The following FAM178B variants were observed in gnomAD, a reference collection of about 807,000 sequenced individuals.
FAM178B encodes the protein family with sequence similarity 178 member B.
Under a neutral mutation model 91.7 loss-of-function variants are expected in FAM178B, and 82 were observed. That is an observed-to-expected ratio of 0.89 (90% CI 0.75 to 1.07). The LOEUF is 1.07. Among genes scored for constraint, FAM178B ranks in the 50% least tolerant of loss-of-function variants. FAM178B has a pLI of 0.00. For missense variants in FAM178B, 769 were observed against 846.7 expected (o/e 0.91, Z 1.14); for synonymous variants, 368 against 359.4 (o/e 1.02, Z -0.27).
rs555689784 is a variant in FAM178B at position 96,971,767 on chromosome 2, G to A, written c.564+134C>T. ...CCATGAGGGCCCAAGGGCTGAGCAGGGATGGTCAAGGTGAAGTGTCCGAGG... is the reference window on the plus strand; with the variant it reads ...CCATGAGGGCCCAAGGGCTGAGCAGAGATGGTCAAGGTGAAGTGTCCGAGG... On this transcript the variant is annotated intron_variant, in intron 3 of 16. Transcript: ENST00000490605. 7.2e-6 allele frequency: 6 copies of A among 838,564 alleles called. No individual in the cohort carries two copies. The South Asian group carries it at 1.1e-4, about 15-fold the overall frequency. The allele number at this position is 838,564 out of a possible 1,614,324, so 51.9% of individuals were successfully genotyped here.
chr2:96,982,545 G>A (rs1031419061), intron 1 of FAM178B, among the ~76,000 whole-genome samples: 4 of 152,126 alleles, frequency 2.6e-5, no homozygotes, highest in Admixed American at 2.6e-4. Flanking sequence ...TTACAGGCAT[G>A]AGCCACCGCA....
chr2:96,947,394 TCTTCC>T (rs2081847598), intron 8 of FAM178B, among the ~76,000 whole-genome samples: 1 of 152,154 alleles, frequency 6.6e-6, no homozygotes, highest in Non-Finnish European at 1.5e-5. Context: ...AGCTTCAGAC[TCTTCC>T]CTTTGGTGAC....
At position 96,977,956 on chromosome 2, in the gene FAM178B, A is replaced by AGGGGGGGGGGGGGGGGG; in HGVS notation, c.74-5351_74-5350insCCCCCCCCCCCCCCCCC. ...CGCTGGAGGGTGGGGCGGGCGGGGG[A>AGGGGGGGGGGGGGGGGG]GGGGGGCGACCGGCAAGAGGGAGCA... is the stretch of plus-strand genomic sequence containing the variant. On this transcript the variant is annotated intron_variant, in intron 1 of 16. Transcript: ENST00000490605. 6 of 349,154 alleles carry AGGGGGGGGGGGGGGGGG rather than the reference A, an allele frequency of 1.7e-5. 1 individual carries two copies. The highest frequency in any genetic ancestry group is 1.1e-4 in the Admixed American group (3 of 28,058). The allele number at this position is 349,154 out of a possible 1,614,324, so 21.6% of individuals were successfully genotyped here. A position where few individuals can be genotyped will look rare whatever the true frequency, so the allele number is the denominator to read the frequency against.
chr2:96,937,206 T>C (rs1300054872), intron 8 of FAM178B, among the ~76,000 whole-genome samples: 2 of 107,654 alleles, frequency 1.9e-5, no homozygotes, highest in South Asian at 2.3e-4. Flanking sequence ...TGTTTGCACA[T>C]GTTGGAATCA....
intron 8 of FAM178B, among the ~76,000 whole-genome samples, chr2:96,937,083 C>A (rs778348238): frequency 2.3e-4 from 24 of 104,660 alleles, no homozygotes; most frequent in Non-Finnish European, 5.3e-5. Flanking sequence ...TTAGTAGAGA[C>A]GAGATTTCAC....
rs776700177 is a variant in FAM178B, at chr2:96,889,716, ATAAATAC to A, written c.1776+4203_1776+4209del. Among the ~76,000 whole-genome samples the A allele has an allele frequency of 1.4e-3, 190 of 137,136 alleles. No individual in the cohort carries two copies. The Middle Eastern group carries it at 0.015, about 11-fold the overall frequency. The allele number at this position is 137,136 out of a possible 152,430, so 90.0% of individuals were successfully genotyped here. A position where few individuals can be genotyped will look rare whatever the true frequency, so the allele number is the denominator to read the frequency against. ...AATAAATAAATAAATAAATAAATAA[ATAAATAC>A]AAAAAAAAATAGAGCATCAGTAGAG... On this transcript the variant is annotated intron_variant, in intron 14 of 16. Transcript: ENST00000490605.
intron 8 of FAM178B, among the ~76,000 whole-genome samples, chr2:96,940,270 G>A (rs2081704514): frequency 6.6e-6 from 1 of 152,158 alleles, no homozygotes; most frequent in Non-Finnish European, 1.5e-5. Context: ...AGGCACTTAA[G>A]TGCTCCACAC....
intron 14 of FAM178B, among the ~76,000 whole-genome samples, chr2:96,890,439 G>A (rs571278355): frequency 1.3e-5 from 2 of 152,198 alleles, no homozygotes; most frequent in Non-Finnish European, 2.9e-5. Context: ...ATTCCAGCCT[G>A]AGCAATAGAG....
intron 14 of FAM178B, among the ~76,000 whole-genome samples, chr2:96,878,870 T>G (rs2080310940): frequency 6.6e-6 from 1 of 152,238 alleles, no homozygotes; most frequent in African/African-American, 2.4e-5. Context: ...CTCTGCAGTC[T>G]CTGTTCCCTG....
chr2:96,942,345 G>T (rs573527569), intron 8 of FAM178B, among the ~76,000 whole-genome samples: 1 of 152,280 alleles, frequency 6.6e-6, no homozygotes, highest in African/African-American at 2.4e-5. Flanking sequence ...TGCAGAAATT[G>T]ACGAGCTGGT....
chr2:96,884,881 C>T (rs565405912), intron 14 of FAM178B, among the ~76,000 whole-genome samples: 5 of 152,224 alleles, frequency 3.3e-5, no homozygotes, highest in East Asian at 1.9e-4. Flanking sequence ...CAGGACAGGT[C>T]GCCGGTCATA....
intron 14 of FAM178B, among the ~76,000 whole-genome samples, chr2:96,885,869 G>A (rs1437185672): frequency 5.9e-5 from 9 of 152,182 alleles, no homozygotes; most frequent in Admixed American, 3.3e-4. Context: ...AAGAGTTCAC[G>A]CCAGTACACG....
intron 7 of FAM178B, among the ~76,000 whole-genome samples, chr2:96,951,124 G>A (rs897988270): frequency 3.9e-5 from 6 of 152,146 alleles, no homozygotes; most frequent in African/African-American, 1.4e-4. Context: ...ACACCTTCGG[G>A]GGAAGCAGAG....
At chr2:96,894,123 G>A in intron 13 of FAM178B, 72 bp from the exon 14 acceptor site, 1 of 1,525,452 alleles carries the variant, frequency 6.6e-7, no homozygotes, top group East Asian at 2.5e-5. Flanking sequence ...CCGGGAATCG[G>A]CCTGGACACC....
At chr2:96,955,946 C>T (rs1262621044) in intron 6 of FAM178B, among the ~76,000 whole-genome samples, 2 of 152,240 alleles carry the variant, frequency 1.3e-5, no homozygotes, top group African/African-American at 2.4e-5. Context: ...TCATCCACCT[C>T]CTTCTTCCCC....
At chr2:96,960,993 G>T (rs1019055338) in intron 5 of FAM178B, among the ~76,000 whole-genome samples, 3 of 152,068 alleles carry the variant, frequency 2.0e-5, no homozygotes, top group African/African-American at 7.2e-5. Context: ...TCTCTCTCAG[G>T]GCCAGCAGTC....
chr2:96,913,496 C>T (rs950171576), intron 12 of FAM178B, among the ~76,000 whole-genome samples: 4 of 152,120 alleles, frequency 2.6e-5, no homozygotes, highest in African/African-American at 9.7e-5. Flanking sequence ...TCTGGCCCCA[C>T]AGTGAGGAAG....
chr2:96,920,615 A>C (rs1574248972), intron 12 of FAM178B, among the ~76,000 whole-genome samples: 1 of 152,112 alleles, frequency 6.6e-6, no homozygotes, highest in Admixed American at 6.5e-5. Context: ...GAAGAAAAAA[A>C]AAATTTACAG....
chr2:96,932,139 C>A (rs1203740604), intron 8 of FAM178B, among the ~76,000 whole-genome samples: 3 of 152,202 alleles, frequency 2.0e-5, no homozygotes. Context: ...CAGCCTCAGA[C>A]CCCAAGGAGG....
Sources: allele counts gnomAD v4.1 joint callset (sites outside exome capture counted in the v4.1 genomes callset), GRCh38; gene constraint gnomAD v4.1.1; transcripts MANE v1.5; gene names NCBI Gene and HGNC (gene_info 2026-07-23, HGNC 2026-07-21).